Variants in WIF1 observed in about 807,000 individuals in gnomAD.
The protein encoded by WIF1 is Wnt inhibitory factor 1.
Under a neutral mutation model 53.5 loss-of-function variants are expected in WIF1, and 35 were observed. The observed-to-expected ratio is 0.65, with a 90% CI of 0.50 to 0.87. WIF1 has a LOEUF of 0.87. Ranked by LOEUF, WIF1 falls within the 40% of genes least tolerant of loss-of-function variation. WIF1 has a pLI of 0.00. For missense variants in WIF1, 467 were observed against 476.8 expected (o/e 0.98, Z 0.19); for synonymous variants, 171 against 170.4 (o/e 1.00, Z -0.03).
At chr12:65,076,164 A>G (rs1259141555) in intron 3 of WIF1, among the ~76,000 whole-genome samples, 1 of 151,934 alleles carries the variant, frequency 6.6e-6, no homozygotes. Flanking sequence ...CAGCCTCCTG[A>G]GCATCTGGGA....
At chr12:65,071,137 G>C (rs1241284866) in intron 3 of WIF1, among the ~76,000 whole-genome samples, 1 of 149,782 alleles carries the variant, frequency 6.7e-6, no homozygotes, top group Non-Finnish European at 1.5e-5. Flanking sequence ...GGGAGGCTGA[G>C]GCATGAGAAT....
chr12:65,106,921 C>T (rs1290861248), intron 2 of WIF1, among the ~76,000 whole-genome samples: 2 of 152,198 alleles, frequency 1.3e-5, no homozygotes, highest in East Asian at 1.9e-4. Flanking sequence ...AATATGTAAT[C>T]GGTGTGTAAT....
intron 2 of WIF1, among the ~76,000 whole-genome samples, chr12:65,103,381 A>G (rs1016736609): frequency 6.6e-6 from 1 of 152,230 alleles, no homozygotes; most frequent in African/African-American, 2.4e-5. Flanking sequence ...TAATAGAACA[A>G]TGTCTTACTT....
chr12:65,096,376 C>T (rs1047288879), intron 2 of WIF1, among the ~76,000 whole-genome samples: 3 of 151,914 alleles, frequency 2.0e-5, no homozygotes, highest in Admixed American at 6.6e-5. Context: ...CAGATGCTGG[C>T]GAGGATGTGG....
At position 65,121,100 on chromosome 12, in the gene WIF1, G is replaced by T. The variant is rs1410870232; in HGVS notation, c.92C>A (p.Pro31Gln). The T allele has an allele frequency of 6.5e-7, 1 of 1,545,376 alleles. No homozygotes were observed. Among genetic ancestry groups the T allele is most frequent in the Non-Finnish European group, 8.7e-7 (1 of 1,144,002 alleles). ...LLALRAEAGP[P>Q]QEESLYLWID... ...CCATAGGTACAGGCTCTCCTCCTGC[G>T]GCGGCCCGGCCTCCGCCCGCAGTGC... is the stretch of plus-strand genomic sequence containing the variant. The change falls in exon 1 of 10, where the codon CCG becomes CAG. Residue 31 changes from proline to glutamine, a missense_variant. By Grantham distance (76) the Pro-to-Gln change is moderately conservative. Transcript: ENST00000286574.
At chr12:65,059,656 CT>C (rs1277357379) in intron 7 of WIF1, among the ~76,000 whole-genome samples, 2,275 of 145,646 alleles carry the variant, frequency 0.016, 59 homozygotes, top group African/African-American at 0.051. Context: ...TTGTTTTTTA[CT>C]TTTTTTTTTT....
intron 8 of WIF1, 55 bp downstream of exon 8, chr12:65,055,976 C>G: frequency 6.6e-7 from 1 of 1,513,626 alleles, no homozygotes; most frequent in South Asian, 1.2e-5. Flanking sequence ...GTGAGAGACT[C>G]CTGCTAGTTT....
chr12:65,106,288 C>T (rs1470493661), intron 2 of WIF1, among the ~76,000 whole-genome samples: 3 of 151,904 alleles, frequency 2.0e-5, no homozygotes, highest in African/African-American at 7.3e-5. Context: ...TCAAGTTATA[C>T]TGGGAAGACA....
At chr12:65,084,274 C>T (rs1459533422) in intron 2 of WIF1, among the ~76,000 whole-genome samples, 1 of 152,028 alleles carries the variant, frequency 6.6e-6, no homozygotes, top group Non-Finnish European at 1.5e-5. Flanking sequence ...TAAAAGTGGC[C>T]AATACATCAA....
chr12:65,072,064 A>C (rs1308587078), intron 3 of WIF1, among the ~76,000 whole-genome samples: 1 of 152,142 alleles, frequency 6.6e-6, no homozygotes. Context: ...TTAGGTAATA[A>C]TATTTATAAT....
chr12:65,058,514 C>T (rs1377542590), intron 7 of WIF1, among the ~76,000 whole-genome samples: 1 of 152,130 alleles, frequency 6.6e-6, no homozygotes, highest in Non-Finnish European at 1.5e-5. Context: ...AGGACGTTCT[C>T]TCCTGGCTAT....
chr12:65,060,023 T>TAAA (rs35133919), intron 7 of WIF1, among the ~76,000 whole-genome samples: 2 of 149,374 alleles, frequency 1.3e-5, no homozygotes, highest in Non-Finnish European at 1.5e-5. Flanking sequence ...ACATTTCATT[T>TAAA]AAAAAAAAAA....
chr12:65,120,469 G>A lies in WIF1; in HGVS notation c.236C>T (p.Ala79Val). ...CATGGAATGGATATTGACAGGAATA[G>A]CTGGCATTCTCTGTTGTGCTTTTCT... is the stretch of plus-strand genomic sequence containing the variant. ...DFRKAQQRMPAIPVNIHSMNF... is the reference protein window; with the variant it reads ...DFRKAQQRMPVIPVNIHSMNF... Residue 79 changes from alanine to valine, a missense_variant, in exon 2 of 10, where the codon GCT becomes GTT. Transcript: ENST00000286574. 1.2e-6 allele frequency: 2 copies of A among 1,614,156 alleles called. No homozygotes were observed. Among genetic ancestry groups the A allele is most frequent in the South Asian group, 1.1e-5 (1 of 91,062 alleles).
chr12:65,057,337 T>C (rs1358317511), intron 7 of WIF1, among the ~76,000 whole-genome samples: 1 of 152,188 alleles, frequency 6.6e-6, no homozygotes, highest in Non-Finnish European at 1.5e-5. Context: ...CAATGAGTAT[T>C]ACGAATGCTT....
At chr12:65,058,966 C>T (rs568104467) in intron 7 of WIF1, among the ~76,000 whole-genome samples, 2 of 152,104 alleles carry the variant, frequency 1.3e-5, no homozygotes, top group African/African-American at 2.4e-5. Flanking sequence ...GCAGAAGAAT[C>T]GCTTGAACCT....
rs1386389429 is a variant in WIF1, at chr12:65,066,673, G to T, written c.698C>A (p.Pro233Gln). The T allele has an allele frequency of 1.7e-5, 27 of 1,610,436 alleles. No individual in the cohort carries two copies. The highest frequency in any genetic ancestry group is 1.7e-4 in the Middle Eastern group (1 of 6,042). Reference sequence around the variant, plus strand: ...ACAGTTCACTCCATAGAATCCAGGTGGGCAGATGCAGAAACCAGGAGTCAC... The same window carrying T: ...ACAGTTCACTCCATAGAATCCAGGTTGGCAGATGCAGAAACCAGGAGTCAC... The part of the protein sequence containing the change: ...LCVTPGFCIC[P>Q]PGFYGVNCDK... The change falls in exon 6 of 10, where the codon CCA becomes CAA. Residue 233 changes from proline (P) to glutamine (Q), a missense_variant. Coordinates refer to ENST00000286574, the MANE Select transcript of WIF1 (RefSeq NM_007191.5).
At chr12:65,119,813 T>C (rs1200594879) in intron 2 of WIF1, among the ~76,000 whole-genome samples, 1 of 152,210 alleles carries the variant, frequency 6.6e-6, no homozygotes, top group Non-Finnish European at 1.5e-5. Flanking sequence ...AAAGGAATGC[T>C]TCTTCATAAA....
intron 3 of WIF1, among the ~76,000 whole-genome samples, chr12:65,073,467 T>C (rs764717606): frequency 6.6e-6 from 1 of 152,234 alleles, no homozygotes; most frequent in Non-Finnish European, 1.5e-5. Flanking sequence ...TTTTTTGTTA[T>C]ACAACTCAGT....
At chr12:65,078,635 G>T (rs1165167715) in intron 2 of WIF1, among the ~76,000 whole-genome samples, 4 of 152,002 alleles carry the variant, frequency 2.6e-5, no homozygotes, top group African/African-American at 9.7e-5. Flanking sequence ...CCTTTGAAAG[G>T]TTTATATTTA....
Sources: allele counts gnomAD v4.1 joint callset (sites outside exome capture counted in the v4.1 genomes callset), GRCh38; gene constraint gnomAD v4.1.1; transcripts MANE v1.5; gene names NCBI Gene and HGNC (gene_info 2026-07-23, HGNC 2026-07-21).